DCAF8L2: variants seen among roughly 807,000 people sequenced by gnomAD.
DCAF8L2 encodes DDB1- and CUL4-associated factor 8-like protein 2.
For synonymous variants in DCAF8L2, 200 were observed against 190.9 expected (o/e 1.05, Z -0.39); for missense variants, 430 against 490.7 (o/e 0.88, Z 1.17).
chrX:27,618,376 G>A (rs1927575124), intron 1 of DCAF8L2, among the ~76,000 whole-genome samples: 1 of 111,555 alleles, frequency 9.0e-6, no homozygotes, highest in Non-Finnish European at 1.9e-5. Flanking sequence ...AAAAAATGGG[G>A]ATTGGACTCA....
chrX:27,644,452 C>T (rs1348102576), intron 2 of DCAF8L2, among the ~76,000 whole-genome samples: 1 of 110,939 alleles, frequency 9.0e-6, no homozygotes, highest in Non-Finnish European at 1.9e-5. Context: ...CATCAAGACC[C>T]TCAGTAATAT....
At chrX:27,728,191 C>T (rs1569194767) in intron 4 of DCAF8L2, among the ~76,000 whole-genome samples, 1 of 111,504 alleles carries the variant, frequency 9.0e-6, no homozygotes, top group Non-Finnish European at 1.9e-5. Context: ...TATGGAATCT[C>T]AAGGATAAAA....
the DCAF8L2 span, among the ~76,000 whole-genome samples, chrX:27,532,586 A>T: frequency 7.4e-4 from 82 of 110,828 alleles, no homozygotes; most frequent in Non-Finnish European, 1.3e-3. Context: ...TCTGTTAGGA[A>T]TTATAAACAG....
At chrX:27,655,723 T>C (rs910035140) in intron 2 of DCAF8L2, among the ~76,000 whole-genome samples, 5 of 111,738 alleles carry the variant, frequency 4.5e-5, no homozygotes, top group Non-Finnish European at 9.4e-5. Context: ...AGTTTTATCA[T>C]GTAGTCGTTG....
intron 1 of DCAF8L2, among the ~76,000 whole-genome samples, chrX:27,626,835 G>C (rs1204119918): frequency 9.0e-6 from 1 of 111,465 alleles, no homozygotes; most frequent in Non-Finnish European, 1.9e-5. Context: ...GTGAATAAGA[G>C]TCTAAAATTA....
intron 1 of DCAF8L2, among the ~76,000 whole-genome samples, chrX:27,609,337 G>A (rs745775071): frequency 5.4e-5 from 6 of 111,534 alleles, no homozygotes; most frequent in Non-Finnish European, 1.1e-4. Flanking sequence ...GTCTCCCGAA[G>A]TCCCTGATAG....
At chrX:27,590,991 T>TTATATATATGTATATATATATATATATA (rs1926048407) in intron 1 of DCAF8L2, among the ~76,000 whole-genome samples, 2 of 68,055 alleles carry the variant, frequency 2.9e-5, no homozygotes, top group Admixed American at 2.0e-4. Context: ...CCTTTACATT[T>TTATATATATGTATATATATATATATATA]TATATATATA....
chrX:27,717,305 C>T (rs1219742341), intron 4 of DCAF8L2, among the ~76,000 whole-genome samples: 1 of 112,299 alleles, frequency 8.9e-6, no homozygotes, highest in Non-Finnish European at 1.9e-5. Context: ...TGAGGAATCA[C>T]CACACTGTCT....
chrX:27,740,270 A>G (rs1602807823), intron 4 of DCAF8L2, among the ~76,000 whole-genome samples: 1 of 111,568 alleles, frequency 9.0e-6, no homozygotes, highest in East Asian at 2.8e-4. Flanking sequence ...CCACTTCAAA[A>G]TATATTCCAG....
chrX:27,487,219 C>G, the DCAF8L2 span, among the ~76,000 whole-genome samples: 5 of 112,007 alleles, frequency 4.5e-5, no homozygotes, highest in South Asian at 3.7e-4. Flanking sequence ...CTTCTTCTTG[C>G]TATTGACAAG....
chrX:27,516,445 ATC>A, the DCAF8L2 span, among the ~76,000 whole-genome samples: 22 of 75,438 alleles, frequency 2.9e-4, no homozygotes, highest in South Asian at 8.8e-4. Flanking sequence ...CAAGGTTAGC[ATC>A]TCTCTCTCAC....
the DCAF8L2 span, among the ~76,000 whole-genome samples, chrX:27,477,499 GGATGGTCTCGATCTCCTGACCTC>G: frequency 9.0e-6 from 1 of 111,299 alleles, no homozygotes; most frequent in Non-Finnish European, 1.9e-5. Context: ...GTGTTAGCCA[GGATGGTCTCGATCTCCTGACCTC>G]GTCATCCACC....
chrX:27,564,536 A>G, the DCAF8L2 span, among the ~76,000 whole-genome samples: 7 of 48,132 alleles, frequency 1.5e-4, no homozygotes, highest in Non-Finnish European at 2.7e-4. Flanking sequence ...ACGCACACAC[A>G]TGCACACACA....
At chrX:27,533,144 A>AAGAGAGAG in the DCAF8L2 span, among the ~76,000 whole-genome samples, 1 of 23,663 alleles carries the variant, frequency 4.2e-5, no homozygotes, top group Non-Finnish European at 8.8e-5. Context: ...GGAAGGAAGA[A>AAGAGAGAG]AGAGAGAGAG....
chrX:27,680,052 TA>T (rs1012732450), intron 3 of DCAF8L2, among the ~76,000 whole-genome samples: 8 of 111,505 alleles, frequency 7.2e-5, no homozygotes. Context: ...CCTGGGGTAG[TA>T]AAAAAACTAT....
the DCAF8L2 span, among the ~76,000 whole-genome samples, chrX:27,490,441 T>C: frequency 7.5e-3 from 798 of 106,462 alleles, 12 homozygotes; most frequent in African/African-American, 0.028. Context: ...TGTTTGTGTG[T>C]TTGTTTGTTT....
chrX:27,502,333 AAAATATATATATATAT>A, the DCAF8L2 span, among the ~76,000 whole-genome samples: 5 of 23,308 alleles, frequency 2.1e-4, no homozygotes, highest in South Asian at 0.011. Flanking sequence ...AAAAAAAAAA[AAAATATATATATATAT>A]ATATATATAT....
intron 2 of DCAF8L2, among the ~76,000 whole-genome samples, chrX:27,669,184 T>C (rs932227524): frequency 1.8e-5 from 2 of 111,603 alleles, no homozygotes; most frequent in Non-Finnish European, 3.8e-5. Context: ...AAAGTGGGTA[T>C]TGTCAAACAG....
At chrX:27,622,673 A>G (rs1203123032) in intron 1 of DCAF8L2, among the ~76,000 whole-genome samples, 1 of 111,379 alleles carries the variant, frequency 9.0e-6, no homozygotes, top group Non-Finnish European at 1.9e-5. Context: ...TTCAGGTAAC[A>G]TTTAAAAATC....
Sources: allele counts gnomAD v4.1 joint callset (sites outside exome capture counted in the v4.1 genomes callset), GRCh38; gene constraint gnomAD v4.1.1; transcripts MANE v1.5; gene names NCBI Gene and HGNC (gene_info 2026-07-23, HGNC 2026-07-21).